BMP6: variants seen among roughly 807,000 people sequenced by gnomAD.
The protein encoded by BMP6 is bone morphogenetic protein 6.
Under a neutral mutation model 54.1 loss-of-function variants are expected in BMP6, and 17 were observed. The ratio of observed to expected loss-of-function variants is 0.31; its 90% confidence interval spans 0.22 to 0.47. BMP6 has a LOEUF of 0.47. Among genes scored for constraint, BMP6 ranks in the 20% least tolerant of loss-of-function variants. BMP6 has a pLI of 1.00. For synonymous variants in BMP6, 328 were observed against 291.2 expected (o/e 1.13, Z -1.28); for missense variants, 720 against 690.4 (o/e 1.04, Z -0.48).
intron 1 of BMP6, among the ~76,000 whole-genome samples, chr6:7,803,729 T>A (rs151032314): frequency 6.6e-6 from 1 of 152,314 alleles, no homozygotes; most frequent in Non-Finnish European, 1.5e-5. Context: ...TTTCATTGAT[T>A]TCAAGATGCA....
chr6:7,786,378 C>G (rs5009024), intron 1 of BMP6, among the ~76,000 whole-genome samples: 29,762 of 151,738 alleles, frequency 0.2, 3,335 homozygotes, highest in African/African-American at 0.3. Flanking sequence ...AAACCTCATG[C>G]TCACACTTAG....
intron 2 of BMP6, among the ~76,000 whole-genome samples, chr6:7,853,376 G>A (rs1759175380): frequency 6.6e-6 from 1 of 152,110 alleles, no homozygotes; most frequent in Non-Finnish European, 1.5e-5. Context: ...GCATAGTCCT[G>A]GAAACAAGAT....
In BMP6 at chr6:7,880,524, A is replaced by G; in HGVS notation, c.*181A>G. 3 of 802,694 alleles carry G rather than the reference A, an allele frequency of 3.7e-6. No individual in the cohort carries two copies. Among genetic ancestry groups the G allele is most frequent in the Non-Finnish European group, 3.9e-6 (2 of 515,578 alleles). 49.7% of individuals were successfully genotyped at this position (802,694 alleles called of 1,614,324 possible). ...CATTAATAATTTGCTCACTTGGTAA[A>G]TGACGTGAGTAGTTGTTGGTCTGTA... is the stretch of plus-strand genomic sequence containing the variant. On this transcript the variant is annotated 3_prime_UTR_variant, in exon 7 of 7. Coordinates refer to ENST00000283147, the MANE Select transcript of BMP6 (RefSeq NM_001718.6).
intron 1 of BMP6, among the ~76,000 whole-genome samples, chr6:7,752,284 C>T (rs954953781): frequency 1.3e-5 from 2 of 152,210 alleles, no homozygotes; most frequent in Non-Finnish European, 2.9e-5. Context: ...GTGGCTGGCT[C>T]ATGAGCTGTA....
At chr6:7,776,469 T>C (rs148349280) in intron 1 of BMP6, among the ~76,000 whole-genome samples, 16 of 152,368 alleles carry the variant, frequency 1.1e-4, no homozygotes, top group African/African-American at 3.8e-4. Context: ...TTTTATTTAG[T>C]TGGCAAGTCA....
At chr6:7,737,318 A>C (rs1761970033) in intron 1 of BMP6, among the ~76,000 whole-genome samples, 1 of 152,178 alleles carries the variant, frequency 6.6e-6, no homozygotes, top group African/African-American at 2.4e-5. Context: ...TTAATGGAGC[A>C]AAAAGAGAAG....
At chr6:7,751,333 C>T (rs1581232454) in intron 1 of BMP6, among the ~76,000 whole-genome samples, 1 of 152,148 alleles carries the variant, frequency 6.6e-6, no homozygotes, top group South Asian at 2.1e-4. Flanking sequence ...ATGTCAAACA[C>T]TTTAATTGGA....
At position 7,799,595 on chromosome 6, in the gene BMP6, T is replaced by G. The variant is rs571126846; in HGVS notation, c.665-45545T>G. 2.0e-5 allele frequency among the ~76,000 whole-genome samples: 3 copies of G among 152,296 alleles called. No individual in the cohort carries two copies. In the South Asian group the frequency reaches 6.2e-4, roughly 32 times the overall value. On this transcript the variant is annotated intron_variant, in intron 1 of 6. Coordinates refer to ENST00000283147, the MANE Select transcript of BMP6 (RefSeq NM_001718.6). The stretch of plus-strand genomic sequence containing the variant: ...CATCCTATAAGATTAGAACTATTAC[T>G]TTGAAATACCTACAGCAACTGGTAA...
rs370321644 is a variant in BMP6, at chr6:7,825,293, A to G, written c.665-19847A>G. Among the ~76,000 whole-genome samples, 27 of 152,320 alleles carry G rather than the reference A, an allele frequency of 1.8e-4. 2 individuals are homozygous for G. In the South Asian group the frequency reaches 1.9e-3, roughly 11 times the overall value. On this transcript the variant is annotated intron_variant, in intron 1 of 6. Transcript: ENST00000283147. Reference sequence around the variant, plus strand: ...GACCCTATCTCTAAAAGAAAAGAAAAAGAGAAAGGAAAGAAACAATGAATG... The same window carrying G: ...GACCCTATCTCTAAAAGAAAAGAAAGAGAGAAAGGAAAGAAACAATGAATG...
rs200138873 is a variant in BMP6, at chr6:7,841,927, A to AT, written c.665-3207dup. Among the ~76,000 whole-genome samples, 7 of 152,248 alleles carry AT rather than the reference A, an allele frequency of 4.6e-5. No individual in the cohort carries two copies. In the South Asian group the frequency reaches 1.5e-3, roughly 32 times the overall value. On this transcript the variant is annotated intron_variant, in intron 1 of 6. Transcript: ENST00000283147. ...TGTGCTTCTGTTTTCTCATTTTTAG[A>AT]TTTTTTATCTCCTCACATCTTCAAA...
chr6:7,822,186 A>G (rs542646511), intron 1 of BMP6, among the ~76,000 whole-genome samples: 1 of 152,084 alleles, frequency 6.6e-6, no homozygotes, highest in South Asian at 2.1e-4. Flanking sequence ...ATGCCCAGCT[A>G]ATTTTGTATT....
At chr6:7,809,307 GA>G (rs1160264458) in intron 1 of BMP6, among the ~76,000 whole-genome samples, 1 of 152,032 alleles carries the variant, frequency 6.6e-6, no homozygotes, top group Non-Finnish European at 1.5e-5. Context: ...CCGTGGCCAG[GA>G]AAAAAAGCTG....
chr6:7,878,358 G>A (rs1317620729), intron 4 of BMP6, among the ~76,000 whole-genome samples: 1 of 152,160 alleles, frequency 6.6e-6, no homozygotes, highest in Non-Finnish European at 1.5e-5. Context: ...CAGTGAATTG[G>A]GGCACCCCCA....
Position 7,727,574 on chromosome 6 carries a change from G to A in BMP6, c.619G>A (p.Ala207Thr), listed in dbSNP as rs754224908. ...ASPLTSAQDS[A>T]FLNDADMVMS... is the part of the protein sequence containing the mutation. ...CCCACTGACCAGCGCGCAGGACAGC[G>A]CCTTCCTCAACGACGCGGACATGGT... Residue 207 changes from alanine to threonine, a missense_variant, in exon 1 of 7, where the codon GCC (alanine) becomes ACC (threonine). Ala to Thr is a moderately conservative substitution (Grantham distance 58). This residue lies in a region of BMP6 where 650 missense variants were observed against 556.3 expected (regional missense o/e 1.17). Coordinates refer to ENST00000283147, the MANE Select transcript of BMP6 (RefSeq NM_001718.6). 11 of 1,584,112 alleles carry A rather than the reference G, an allele frequency of 6.9e-6. No homozygotes were observed. The highest frequency in any genetic ancestry group is 8.5e-6 in the Non-Finnish European group (10 of 1,173,926).
intron 1 of BMP6, among the ~76,000 whole-genome samples, chr6:7,762,876 C>T (rs763889910): frequency 2.6e-4 from 40 of 152,266 alleles, no homozygotes; most frequent in African/African-American, 7.7e-4. Context: ...ATGTTTAAGC[C>T]GCCGTGCGAC....
In BMP6 at chr6:7,845,185, A is replaced by G. The variant is rs775738904; in HGVS notation, c.710A>G (p.Glu237Gly). Residue 237 changes from glutamate (E) to glycine (G), a missense_variant, in exon 2 of 7, where the codon GAG becomes GGG. Transcript: ENST00000283147. The part of the protein sequence containing the change: ...EFSPRQRHHK[E>G]FKFNLSQIPE... ...TCCCCTCGTCAGCGACACCACAAAG[A>G]GTTCAAGTTCAACTTATCCCAGATT... 7 of 1,614,072 alleles carry G rather than the reference A, an allele frequency of 4.3e-6. No individual in the cohort carries two copies. Among genetic ancestry groups the G allele is most frequent in the Non-Finnish European group, 4.2e-6 (5 of 1,180,006 alleles).
At chr6:7,869,353 G>A (rs1254279381) in intron 4 of BMP6, among the ~76,000 whole-genome samples, 1 of 152,292 alleles carries the variant, frequency 6.6e-6, no homozygotes, top group Non-Finnish European at 1.5e-5. Flanking sequence ...GCACTTCGCT[G>A]TGTGCGTGGC....
intron 2 of BMP6, among the ~76,000 whole-genome samples, chr6:7,849,435 T>C (rs1181374991): frequency 6.6e-6 from 1 of 152,192 alleles, no homozygotes; most frequent in East Asian, 1.9e-4. Context: ...TTTTTCTGTA[T>C]TGCATGCATA....
At chr6:7,800,544 A>G (rs1164500186) in intron 1 of BMP6, among the ~76,000 whole-genome samples, 3 of 152,056 alleles carry the variant, frequency 2.0e-5, no homozygotes, top group African/African-American at 7.2e-5. Flanking sequence ...GGCCCAGTCT[A>G]AACCATGTCT....
Sources: gnomAD v4.1 joint callset for allele counts (sites outside exome capture counted in the v4.1 genomes callset) on GRCh38, gnomAD v4.1.1 for gene constraint, gnomAD v4.1.1 regional missense constraint, MANE v1.5 for transcripts, NCBI Gene and HGNC (gene_info 2026-07-23, HGNC 2026-07-21) for gene names.